The following ARFGAP3 variants were observed in gnomAD, a reference collection of about 807,000 sequenced individuals.
The protein encoded by ARFGAP3 is ADP-ribosylation factor GTPase-activating protein 3.
ARFGAP3 carries 72 observed loss-of-function variants against 75.0 expected under a neutral mutation model. The ratio of observed to expected loss-of-function variants is 0.96; its 90% CI spans 0.79 to 1.17. The LOEUF is 1.17. Among genes scored for constraint, ARFGAP3 ranks in the 50% most tolerant of loss-of-function variants. The pLI is 0.00. For synonymous variants in ARFGAP3, 221 were observed against 217.9 expected, an observed-to-expected ratio of 1.01 and a Z score of -0.13; for missense variants, 620 against 626.6, an observed-to-expected ratio of 0.99 and a Z score of 0.11.
At chr22:42,802,988 A>G (rs1251844889) in intron 14 of ARFGAP3, among the ~76,000 whole-genome samples, 2 of 152,012 alleles carry the variant, frequency 1.3e-5, no homozygotes, top group African/African-American at 4.8e-5. Flanking sequence ...CAAGATTATA[A>G]GAACAAGTTT....
At position 42,838,483 on chromosome 22, in the gene ARFGAP3, G is replaced by A. The variant is rs1221167133; in HGVS notation, c.261+2461C>T. ...TTGCTAATTTTTAAGTCTTTTGTACGATGAGGTCTCACTATGTTGCCCAGG... is the reference window on the plus strand; with the variant it reads ...TTGCTAATTTTTAAGTCTTTTGTACAATGAGGTCTCACTATGTTGCCCAGG... On this transcript the variant is annotated intron_variant, in intron 3 of 15. Coordinates refer to ENST00000263245, the MANE Select transcript of ARFGAP3 (RefSeq NM_014570.5). Among the ~76,000 whole-genome samples, 4 of 151,390 alleles carry A rather than the reference G, an allele frequency of 2.6e-5. No individual in the cohort carries two copies. In the East Asian group the frequency reaches 5.9e-4, roughly 22 times the overall value.
chr22:42,841,098 C>T, intron 2 of ARFGAP3, 82 bp from the exon 3 acceptor site: 1 of 1,536,600 alleles, frequency 6.5e-7, no homozygotes, highest in South Asian at 1.2e-5. Flanking sequence ...ACAAGGTTTC[C>T]TTAGGCTTTA....
intron 6 of ARFGAP3, among the ~76,000 whole-genome samples, chr22:42,827,394 T>A (rs1926088942): frequency 6.6e-6 from 1 of 152,212 alleles, no homozygotes; most frequent in Non-Finnish European, 1.5e-5. Context: ...GAGACAGAAT[T>A]TCACTCTTCT....
At chr22:42,812,224 CAA>C (rs3046479) in intron 11 of ARFGAP3, among the ~76,000 whole-genome samples, 25 of 56,620 alleles carry the variant, frequency 4.4e-4, no homozygotes, top group African/African-American at 1.6e-3. Context: ...GATACTGTCT[CAA>C]AAAAAAAAAA....
intron 13 of ARFGAP3, among the ~76,000 whole-genome samples, chr22:42,807,782 A>G (rs1925191647): frequency 6.6e-6 from 1 of 151,614 alleles, no homozygotes; most frequent in Non-Finnish European, 1.5e-5. Flanking sequence ...CACTATGATG[A>G]GTTCATTAAC....
At chr22:42,840,856 C>T in intron 3 of ARFGAP3, 88 bp downstream of exon 3, 1 of 1,329,750 alleles carries the variant, frequency 7.5e-7, no homozygotes, top group Non-Finnish European at 1.1e-6. Flanking sequence ...CAGGCATGAG[C>T]CACTGCACCT....
intron 3 of ARFGAP3, among the ~76,000 whole-genome samples, chr22:42,839,897 G>C (rs1260622142): frequency 6.6e-6 from 1 of 152,042 alleles, no homozygotes; most frequent in Non-Finnish European, 1.5e-5. Flanking sequence ...TATAAGAGGG[G>C]ATATTGGTTA....
chr22:42,827,096 T>G, intron 6 of ARFGAP3, 97 bp from the exon 7 acceptor site: 1 of 1,472,984 alleles, frequency 6.8e-7, no homozygotes. Context: ...CTACATCTTA[T>G]CCAATTTTGT....
At chr22:42,856,360 C>CACGCTG (rs1377870296) in intron 1 of ARFGAP3, among the ~76,000 whole-genome samples, 3 of 152,202 alleles carry the variant, frequency 2.0e-5, no homozygotes, top group Non-Finnish European at 4.4e-5. Context: ...GGGGAGAGCC[C>CACGCTG]ACGCTGACGC....
At chr22:42,856,968 C>G (rs1927533345) in intron 1 of ARFGAP3, 146 bp downstream of exon 1, 2 of 756,298 alleles carry the variant, frequency 2.6e-6, no homozygotes, top group Non-Finnish European at 3.4e-6. Flanking sequence ...CGCCCCGGCC[C>G]GGCCAGGCTG....
At chr22:42,827,048 C>G in intron 6 of ARFGAP3, 49 bp from the exon 7 acceptor site, 1 of 1,604,508 alleles carries the variant, frequency 6.2e-7, no homozygotes, top group South Asian at 1.1e-5. Flanking sequence ...ACTCAGCTAA[C>G]TTGCTTTTGA....
chr22:42,845,530 A>G (rs373919369), intron 2 of ARFGAP3, among the ~76,000 whole-genome samples: 127 of 151,546 alleles, frequency 8.4e-4, no homozygotes, highest in Middle Eastern at 6.8e-3. Context: ...CATCTCAAAA[A>G]AAAAAAAAAA....
intron 9 of ARFGAP3, among the ~76,000 whole-genome samples, chr22:42,820,641 T>C (rs970118558): frequency 6.6e-6 from 1 of 152,030 alleles, no homozygotes; most frequent in Non-Finnish European, 1.5e-5. Context: ...CTAAAACAGA[T>C]AAAATACACA....
chr22:42,847,755 AT>A, intron 1 of ARFGAP3, 123 bp from the exon 2 acceptor site: 1 of 1,192,626 alleles, frequency 8.4e-7, no homozygotes, highest in Non-Finnish European at 1.1e-6. Context: ...TTGGGATTGT[AT>A]TATTAGAAAA....
chr22:42,811,683 A>C (rs1242616944), intron 11 of ARFGAP3, among the ~76,000 whole-genome samples: 1 of 152,256 alleles, frequency 6.6e-6, no homozygotes, highest in African/African-American at 2.4e-5. Context: ...CAAGCATCCC[A>C]GGAGAGCCTG....
At chr22:42,798,236 T>C (rs1026062759) in intron 15 of ARFGAP3, among the ~76,000 whole-genome samples, 1 of 151,548 alleles carries the variant, frequency 6.6e-6, no homozygotes, top group Non-Finnish European at 1.5e-5. Context: ...AACGGCTACA[T>C]CCAGAGTCCT....
At position 42,857,266 on chromosome 22, in the gene ARFGAP3, G is replaced by A. The variant is rs886306562; in HGVS notation, c.-84C>T. On this transcript the variant is annotated 5_prime_UTR_variant, in exon 1 of 16. Coordinates refer to ENST00000263245, the MANE Select transcript of ARFGAP3 (RefSeq NM_014570.5). The stretch of plus-strand genomic sequence containing the variant: ...CGGCTACCGCCTCAGCAGGAGCGAC[G>A]AGGCCGCGGGGGCGGGGCTGCGCGT... The A allele has an allele frequency of 6.1e-6, 9 of 1,465,882 alleles. No individual in the cohort carries two copies. The highest frequency in any genetic ancestry group is 5.9e-5 in the African/African-American group (4 of 67,780). 90.8% of individuals were successfully genotyped at this position (1,465,882 alleles called of 1,614,324 possible).
intron 13 of ARFGAP3, among the ~76,000 whole-genome samples, chr22:42,808,305 G>A (rs898668564): frequency 6.6e-6 from 1 of 151,710 alleles, no homozygotes; most frequent in African/African-American, 2.4e-5. Context: ...GGCTGAGGCA[G>A]GAAAATCGCT....
intron 14 of ARFGAP3, among the ~76,000 whole-genome samples, chr22:42,806,084 G>A (rs1925108358): frequency 6.6e-6 from 1 of 152,248 alleles, no homozygotes; most frequent in African/African-American, 2.4e-5. Flanking sequence ...CCAAGTGATA[G>A]CCTAGGTTGG....
Sources: allele counts gnomAD v4.1 joint callset (sites outside exome capture counted in the v4.1 genomes callset), GRCh38; gene constraint gnomAD v4.1.1; transcripts MANE v1.5; gene names NCBI Gene and HGNC (gene_info 2026-07-23, HGNC 2026-07-21).